Variants in TSPAN9 observed in about 807,000 individuals in gnomAD.
TSPAN9 encodes tetraspanin-9.
A neutral mutation model predicts 31.0 loss-of-function variants in TSPAN9; 16 were observed. That is an observed-to-expected ratio of 0.52 (90% confidence interval 0.35 to 0.78). TSPAN9 has a LOEUF of 0.78. Among genes scored for constraint, TSPAN9 ranks in the 30% least tolerant of loss-of-function variants. The probability of loss-of-function intolerance (pLI) is 0.01; values close to 1 mark genes in which losing one functional copy is unlikely to be tolerated. For synonymous variants in TSPAN9, 145 were observed against 121.6 expected, an observed-to-expected ratio of 1.19 and a Z score of -1.27; for missense variants, 272 against 312.5, an observed-to-expected ratio of 0.87 and a Z score of 0.98.
chr12:3,165,874 C>G (rs1338944701), intron 2 of TSPAN9, among the ~76,000 whole-genome samples: 1 of 152,196 alleles, frequency 6.6e-6, no homozygotes, highest in Non-Finnish European at 1.5e-5. Context: ...TAATCTGTGT[C>G]TCAGCCATGT....
Position 3,168,184 on chromosome 12 carries a change from C to G in TSPAN9, c.-17-32993C>G, listed in dbSNP as rs922690451. Among the ~76,000 whole-genome samples the G allele has an allele frequency of 6.6e-6, 1 of 152,208 alleles. No individual in the cohort carries two copies. Among genetic ancestry groups the G allele is most frequent in the African/African-American group, 2.4e-5 (1 of 41,452 alleles). ...GCAAGGCAGGAGTAGCACCGGTCAT[C>G]CTTGGCAGAGAATCATTCGCTCTTT... On this transcript the variant is annotated intron_variant, in intron 2 of 8. Coordinates refer to ENST00000011898, the MANE Select transcript of TSPAN9 (RefSeq NM_006675.5). The surrounding 1 kb of genome is among the most constrained non-coding windows in gnomAD (Gnocchi z 4.0).
chr12:3,278,486 C>T lies in TSPAN9; in HGVS notation c.129C>T (p.Thr43=), dbSNP rs1326163553. The T allele has an allele frequency of 6.2e-7, 1 of 1,614,108 alleles. No homozygotes were observed. The highest frequency in any genetic ancestry group is 2.2e-5 in the East Asian group (1 of 44,902). The change falls in exon 4 of 9, where the codon ACC becomes ACT. Residue 43 remains threonine, a synonymous_variant. Transcript: ENST00000011898. ...WLSVSQGNFA[T]FSPSFPSLSA... ...CCGTGTCCCAAGGCAACTTTGCCAC[C>T]TTCTCCCCCAGCTTCCCTTCGTTGT...
intron 2 of TSPAN9, among the ~76,000 whole-genome samples, chr12:3,112,255 G>T (rs952450704): frequency 6.8e-6 from 1 of 147,178 alleles, no homozygotes; most frequent in East Asian, 2.0e-4. Flanking sequence ...TCGGCTCACT[G>T]CAACCTTGCC....
chr12:3,188,520 T>C (rs1412853806), intron 2 of TSPAN9, among the ~76,000 whole-genome samples: 1 of 152,098 alleles, frequency 6.6e-6, no homozygotes. Flanking sequence ...GTCCCTGCTG[T>C]GTCCGGCTGG....
chr12:3,273,674 C>T (rs1862726912), intron 3 of TSPAN9, among the ~76,000 whole-genome samples: 1 of 152,210 alleles, frequency 6.6e-6, no homozygotes, highest in Non-Finnish European at 1.5e-5. Flanking sequence ...GGGCTCCCTC[C>T]ACCAGAGGCG....
chr12:3,122,856 G>A (rs2098325761), intron 2 of TSPAN9, among the ~76,000 whole-genome samples: 1 of 152,202 alleles, frequency 6.6e-6, no homozygotes. Flanking sequence ...CAGGTTGAAA[G>A]CAGGTGACCC....
intron 3 of TSPAN9, among the ~76,000 whole-genome samples, chr12:3,255,254 G>T (rs935637875): frequency 6.6e-6 from 1 of 152,230 alleles, no homozygotes; most frequent in Non-Finnish European, 1.5e-5. Context: ...AGGCGAGCCC[G>T]GGTGAGCTGT....
intron 2 of TSPAN9, among the ~76,000 whole-genome samples, chr12:3,183,842 C>T (rs75780753): frequency 1.3e-5 from 2 of 152,274 alleles, no homozygotes; most frequent in South Asian, 4.1e-4. Context: ...TGCCACTTCA[C>T]CTTTGGAATC....
intron 2 of TSPAN9, among the ~76,000 whole-genome samples, chr12:3,118,403 A>G (rs929853470): frequency 6.6e-6 from 1 of 151,328 alleles, no homozygotes; most frequent in South Asian, 2.1e-4. Flanking sequence ...CTGGGATGAC[A>G]GGCACCCACC....
At chr12:3,156,882 A>G (rs1448471075) in intron 2 of TSPAN9, among the ~76,000 whole-genome samples, 1 of 152,076 alleles carries the variant, frequency 6.6e-6, no homozygotes, top group Non-Finnish European at 1.5e-5. Context: ...GGAGCAGGAG[A>G]AGGGCCCAGG....
Position 3,122,475 on chromosome 12 carries a change from G to T in TSPAN9, c.-18+38756G>T, listed in dbSNP as rs552189668. Among the ~76,000 whole-genome samples the T allele has an allele frequency of 2.0e-5, 3 of 152,070 alleles. No homozygotes were observed. The South Asian group carries it at 6.2e-4, about 32-fold the overall frequency. On this transcript the variant is annotated intron_variant, in intron 2 of 8. Transcript: ENST00000011898. ...TTAAAATTTTTTTTGTTTGTATGTT[G>T]TCCAGGCTGGTCTCAAACTGGTCTC...
rs1468006643 is a variant in TSPAN9, at chr12:3,190,275, T to C, written c.-17-10902T>C. On this transcript the variant is annotated intron_variant, in intron 2 of 8. Coordinates refer to ENST00000011898, the MANE Select transcript of TSPAN9 (RefSeq NM_006675.5). ...CACCCTCTGTGGAGTGGTTTAGGAA[T>C]ATTGGATTTGCTGGGTCAGTCCATT... Among the ~76,000 whole-genome samples, 7 of 152,370 alleles carry C rather than the reference T, an allele frequency of 4.6e-5. No individual in the cohort carries two copies. The South Asian group carries it at 1.0e-3, about 23-fold the overall frequency.
rs569174604 is a variant in TSPAN9, at chr12:3,100,371, T to G, written c.-18+16652T>G. ...TTCTGCCCTAAGAATCTTAGCTGCA[T>G]GAACTCTAATTCCTGTCTCCTCAAC... On this transcript the variant is annotated intron_variant, in intron 2 of 8. Transcript: ENST00000011898. Among the ~76,000 whole-genome samples, 6 of 152,362 alleles carry G rather than the reference T, an allele frequency of 3.9e-5. No homozygotes were observed. The East Asian group carries it at 1.2e-3, about 29-fold the overall frequency.
chr12:3,184,745 G>T (rs1011817666), intron 2 of TSPAN9, among the ~76,000 whole-genome samples: 2 of 152,090 alleles, frequency 1.3e-5, no homozygotes, highest in African/African-American at 4.8e-5. Context: ...GCATGAGGTT[G>T]GGGATGGGAA....
intron 2 of TSPAN9, among the ~76,000 whole-genome samples, chr12:3,121,713 A>G (rs1334672258): frequency 6.6e-6 from 1 of 151,866 alleles, no homozygotes; most frequent in Non-Finnish European, 1.5e-5. Flanking sequence ...GTCTAGTTAC[A>G]CTGAGCCTGT....
At chr12:3,094,866 TTTTG>T (rs1275857900) in intron 2 of TSPAN9, among the ~76,000 whole-genome samples, 7 of 106,640 alleles carry the variant, frequency 6.6e-5, no homozygotes, top group African/African-American at 2.2e-4. Context: ...TTTTTTTTTT[TTTTG>T]TTTTTAAATT....
At chr12:3,081,856 C>G (rs2098298102) in intron 1 of TSPAN9, among the ~76,000 whole-genome samples, 1 of 17,062 alleles carries the variant, frequency 5.9e-5, no homozygotes, top group Admixed American at 4.6e-4. Flanking sequence ...ATATATATGC[C>G]AGGTGTGGTG....
chr12:3,121,817 C>A (rs527347232), intron 2 of TSPAN9, among the ~76,000 whole-genome samples: 1 of 152,276 alleles, frequency 6.6e-6, no homozygotes, highest in African/African-American at 2.4e-5. Context: ...TGACACAGTA[C>A]TGGGACTTGC....
chr12:3,086,605 T>A (rs951163073), intron 2 of TSPAN9, among the ~76,000 whole-genome samples: 2 of 129,672 alleles, frequency 1.5e-5, no homozygotes, highest in African/African-American at 9.4e-5. Context: ...AAGTGCCCCC[T>A]GAAATCCTCC....
Sources: allele counts gnomAD v4.1 joint callset (sites outside exome capture counted in the v4.1 genomes callset), GRCh38; gene constraint gnomAD v4.1.1; non-coding constraint Gnocchi (gnomAD v3.1); transcripts MANE v1.5; gene names NCBI Gene and HGNC (gene_info 2026-07-23, HGNC 2026-07-21).